Variants in EHD3 observed in about 807,000 individuals in gnomAD.
The protein encoded by EHD3 is EH domain-containing protein 3.
Under a neutral mutation model 43.0 loss-of-function variants are expected in EHD3, and 17 were observed. The observed-to-expected ratio is 0.40, with a 90% CI of 0.27 to 0.59. The LOEUF (loss-of-function observed/expected upper bound fraction) is 0.59, where lower values mean the gene tolerates loss of function less well. Among genes scored for constraint, EHD3 ranks in the 20% least tolerant of loss-of-function variants. The pLI, the probability that EHD3 is intolerant of heterozygous loss-of-function variation, is 0.49. For synonymous variants in EHD3, 313 were observed against 289.5 expected (o/e 1.08, Z -0.82); for missense variants, 594 against 705.6 (o/e 0.84, Z 1.79).
intron 1 of EHD3, among the ~76,000 whole-genome samples, chr2:31,235,130 G>A (rs571158075): frequency 5.9e-5 from 9 of 152,260 alleles, no homozygotes; most frequent in African/African-American, 2.2e-4. Flanking sequence ...CCATCTTATG[G>A]ATGATGAAAC....
In EHD3 at chr2:31,266,761, TACACACACAC is replaced by T. The variant is rs67643147; in HGVS notation, c.*81_*90del. On this transcript the variant is annotated 3_prime_UTR_variant, in exon 6 of 6. Transcript: ENST00000322054. This position sits in a 1 kb window ranked among gnomAD's most constrained non-coding sequence, Gnocchi z 5.1. Reference sequence around the variant, plus strand: ...TAGAGGAGGAGATGGGAGCGGTGACTACACACACACACACACACACACACACACACACAAA... The same window carrying T: ...TAGAGGAGGAGATGGGAGCGGTGACTACACACACACACACACACACACAAA... 1.7e-4 allele frequency: 200 copies of T among 1,178,718 alleles called. No homozygotes were observed. The highest frequency in any genetic ancestry group is 4.5e-4 in the Middle Eastern group (2 of 4,458). The allele number at this position is 1,178,718 out of a possible 1,614,324, so 73.0% of individuals were successfully genotyped here.
chr2:31,237,910 G>A (rs1276083240), intron 1 of EHD3, among the ~76,000 whole-genome samples: 1 of 151,836 alleles, frequency 6.6e-6, no homozygotes, highest in African/African-American at 2.4e-5. Context: ...GGATGTTTTA[G>A]GCTATTTCTA....
chr2:31,238,236 C>T (rs1269121367), intron 1 of EHD3, among the ~76,000 whole-genome samples: 2 of 152,204 alleles, frequency 1.3e-5, no homozygotes, highest in Non-Finnish European at 2.9e-5. Context: ...CTCCTCCTCT[C>T]CCTTCTCCCA....
chr2:31,244,723 C>G (rs1411315424), intron 2 of EHD3, among the ~76,000 whole-genome samples: 1 of 152,178 alleles, frequency 6.6e-6, no homozygotes, highest in African/African-American at 2.4e-5. Context: ...TGCACCTACC[C>G]CTAGTAAAAG....
chr2:31,266,593 C>T lies in EHD3; in HGVS notation c.1497C>T (p.Asp499=), dbSNP rs201490817. 6.1e-5 allele frequency: 98 copies of T among 1,614,000 alleles called. No individual in the cohort carries two copies. Among genetic ancestry groups the T allele is most frequent in the African/African-American group, 1.1e-4 (8 of 74,890 alleles). Residue 499 remains aspartate (D), a synonymous_variant, in exon 6 of 6, where the codon GAC becomes GAT. Transcript: ENST00000322054. The surrounding 1 kb of genome is among the most constrained non-coding windows in gnomAD (Gnocchi z 5.1). ...ACAAGGATGGCATGCTGGACGACGA[C>T]GAGTTTGCACTGGCCAACCACCTCA... ...DIDKDGMLDD[D]EFALANHLIK...
In EHD3 at chr2:31,255,203, T is replaced by G. The variant is rs534174502; in HGVS notation, c.503-5307T>G. Among the ~76,000 whole-genome samples, 57 of 152,350 alleles carry G rather than the reference T, an allele frequency of 3.7e-4. 3 individuals carry two copies. The South Asian group carries it at 0.012, about 32-fold the overall frequency. The stretch of plus-strand genomic sequence containing the variant: ...TGCTATGAAGTCCAGGAAGGGCAGC[T>G]TCTCTGCTCTGTCTCTTGGGGCTTG... On this transcript the variant is annotated intron_variant, in intron 3 of 5. Coordinates refer to ENST00000322054, the MANE Select transcript of EHD3 (RefSeq NM_014600.3).
intron 5 of EHD3, 113 bp downstream of exon 5, chr2:31,261,826 A>ACTTT: frequency 8.7e-7 from 1 of 1,145,606 alleles, no homozygotes. Flanking sequence ...CCCGCCCAGA[A>ACTTT]TCTGCAGGCA....
intron 2 of EHD3, among the ~76,000 whole-genome samples, chr2:31,248,025 G>T (rs546356913): frequency 3.5e-4 from 53 of 152,292 alleles, no homozygotes; most frequent in African/African-American, 1.2e-3. Flanking sequence ...AGTCTGCCAG[G>T]CATGTCCATT....
chr2:31,266,182 G>A lies in EHD3; in HGVS notation c.1086G>A (p.Gln362=). The change falls in exon 6 of 6, where the codon CAG becomes CAA. Residue 362 remains glutamine, a synonymous_variant. Transcript: ENST00000322054. The surrounding 1 kb of genome is among the most constrained non-coding windows in gnomAD (Gnocchi z 5.1). The part of the protein sequence containing the change: ...DFPNLKRMQD[Q]LQAQDFSKFQ... ...CTCTCTCCTCCTCTTCCCAGGACCA[G>A]CTGCAGGCCCAGGACTTTAGCAAGT... The A allele has an allele frequency of 6.2e-7, 1 of 1,609,146 alleles. No homozygotes were observed. The highest frequency in any genetic ancestry group is 8.5e-7 in the Non-Finnish European group (1 of 1,176,218).
At chr2:31,254,867 A>T (rs915293500) in intron 3 of EHD3, among the ~76,000 whole-genome samples, 7 of 152,174 alleles carry the variant, frequency 4.6e-5, no homozygotes, top group Non-Finnish European at 1.0e-4. Flanking sequence ...TGTATGCCCT[A>T]CTTACCTCCT....
intron 1 of EHD3, among the ~76,000 whole-genome samples, chr2:31,243,270 T>C (rs1047074314): frequency 1.3e-5 from 2 of 151,924 alleles, no homozygotes. Context: ...GGAATGACAC[T>C]CCATGTCAGC....
At chr2:31,243,299 C>A (rs1683455099) in intron 1 of EHD3, among the ~76,000 whole-genome samples, 1 of 151,926 alleles carries the variant, frequency 6.6e-6, no homozygotes, top group Non-Finnish European at 1.5e-5. Context: ...TAAATAAGAT[C>A]ATAAATGTGT....
chr2:31,239,995 G>A (rs1683389678), intron 1 of EHD3, among the ~76,000 whole-genome samples: 1 of 152,176 alleles, frequency 6.6e-6, no homozygotes, highest in South Asian at 2.1e-4. Flanking sequence ...GTCGCAAGGA[G>A]GCTGGACTGT....
At chr2:31,251,874 C>G (rs1207575636) in intron 3 of EHD3, among the ~76,000 whole-genome samples, 2 of 152,314 alleles carry the variant, frequency 1.3e-5, no homozygotes, top group East Asian at 3.9e-4. Flanking sequence ...CCCACCTATT[C>G]CCAACCCCAA....
chr2:31,256,993 TG>T (rs139366665), intron 3 of EHD3, among the ~76,000 whole-genome samples: 2,138 of 152,290 alleles, frequency 0.014, 56 homozygotes, highest in African/African-American at 0.049. Context: ...GCCAATATAT[TG>T]GGGCTGAGAT....
intron 3 of EHD3, among the ~76,000 whole-genome samples, chr2:31,255,545 T>G (rs749569409): frequency 2.6e-5 from 4 of 152,194 alleles, no homozygotes; most frequent in Non-Finnish European, 5.9e-5. Context: ...TACCATACCC[T>G]TTTTCTTACT....
rs146384685 is a variant in EHD3, at chr2:31,260,511, G to T, written c.504G>T (p.Gly168=). The T allele has an allele frequency of 3.7e-4, 594 of 1,597,418 alleles. No individual in the cohort carries two copies. Among genetic ancestry groups the T allele is most frequent in the Non-Finnish European group, 4.9e-4 (571 of 1,169,096 alleles). Residue 168 remains glycine (G), a splice_region_variant and synonymous_variant, in exon 4 of 6, where the codon GGG becomes GGT. Transcript: ENST00000322054. This position sits in a 1 kb window ranked among gnomAD's most constrained non-coding sequence, Gnocchi z 4.6. ...CCCTGATTGTCCCTCTGCCGGCAGG[G>T]TATGACTTTGCAGCTGTCCTTGAGT... The part of the protein sequence containing the change: ...LSGEKQRISR[G]YDFAAVLEWF...
At position 31,261,022 on chromosome 2, in the gene EHD3, CAT is replaced by C. The variant is rs200365748; in HGVS notation, c.915+101_915+102del. ...TTGCTGCCTCCAACAGCCAGTGCAT[CAT>C]GTGTGTGACACCAAGGGGCAGGACA... is the stretch of plus-strand genomic sequence containing the variant. On this transcript the variant is annotated intron_variant, in intron 4 of 5. Transcript: ENST00000322054. 1.1e-3 allele frequency: 1,509 copies of C among 1,380,138 alleles called. 17 individuals carry two copies. The African/African-American group carries it at 0.018, about 16-fold the overall frequency. 85.5% of individuals were successfully genotyped at this position (1,380,138 alleles called of 1,614,324 possible).
rs146965464 is a variant in EHD3 at position 31,244,382 on chromosome 2, C to T, written c.336C>T (p.Asn112=). 3.2e-5 allele frequency: 52 copies of T among 1,614,096 alleles called. No individual in the cohort carries two copies. The highest frequency in any genetic ancestry group is 3.9e-5 in the Non-Finnish European group (46 of 1,180,048). The stretch of plus-strand genomic sequence containing the variant: ...ACATGGAGGGGATCATCCCTGGGAA[C>T]GCCCTGGTGGTGGATCCCAAGAAAC... The part of the protein sequence containing the change: ...QGDMEGIIPG[N]ALVVDPKKPF... The change falls in exon 2 of 6, where the codon AAC becomes AAT. Residue 112 remains asparagine, a synonymous_variant. Transcript: ENST00000322054.
Sources: allele counts gnomAD v4.1 joint callset (sites outside exome capture counted in the v4.1 genomes callset), GRCh38; gene constraint gnomAD v4.1.1; non-coding constraint Gnocchi (gnomAD v3.1); transcripts MANE v1.5; gene names NCBI Gene and HGNC (gene_info 2026-07-23, HGNC 2026-07-21).